The following APOO variants were observed in gnomAD, a reference collection of about 807,000 sequenced individuals.
APOO encodes the protein apolipoprotein O, also known as MICOS complex subunit MIC26.
A neutral mutation model predicts 23.1 loss-of-function variants in APOO; 11 were observed. The ratio of observed to expected loss-of-function variants is 0.48; its 90% CI spans 0.30 to 0.79. APOO has a LOEUF of 0.79. Ranked by LOEUF, APOO falls within the 30% of genes least tolerant of loss-of-function variation. The pLI is 0.07. For synonymous variants in APOO, 59 were observed against 54.8 expected (o/e 1.08, Z -0.34); for missense variants, 160 against 142.7 (o/e 1.12, Z -0.62).
chrX:23,898,014 T>A (rs749415170), intron 1 of APOO, among the ~76,000 whole-genome samples: 40 of 105,589 alleles, frequency 3.8e-4, no homozygotes, highest in African/African-American at 1.3e-3. Flanking sequence ...AAAAAAAATC[T>A]ATCTAGACAC....
At chrX:23,880,048 A>C (rs184123293) in intron 2 of APOO, among the ~76,000 whole-genome samples, 45 of 108,313 alleles carry the variant, frequency 4.2e-4, no homozygotes, top group Non-Finnish European at 3.0e-4. Context: ...CAGTAGAGAG[A>C]AGATTTCTTG....
At chrX:23,874,528 T>C (rs1369396270) in intron 3 of APOO, 71 bp from the exon 4 acceptor site, 2 of 890,537 alleles carry the variant, frequency 2.2e-6, no homozygotes, top group African/African-American at 3.9e-5. Context: ...ACAGAATAAA[T>C]ATACTTGTTT....
intron 1 of APOO, among the ~76,000 whole-genome samples, chrX:23,885,410 T>C (rs985062433): frequency 1.9e-5 from 2 of 105,002 alleles, no homozygotes; most frequent in Admixed American, 1.1e-4. Context: ...TATAAATATA[T>C]AACTATATCT....
At position 23,868,773 on chromosome X, in the gene APOO, A is replaced by G. The variant is rs1449811731; in HGVS notation, c.293-85T>C. 6.3e-6 allele frequency: 4 copies of G among 636,876 alleles called. No homozygotes were observed. The East Asian group carries it at 1.5e-4, about 24-fold the overall frequency. 52.5% of individuals were successfully genotyped at this position (636,876 alleles called of 1,213,427 possible). ...AAGTCTTATACAGTATATAATATGT[A>G]TATATAGTATCAAGTGCTTTTCAAA... is the stretch of plus-strand genomic sequence containing the variant. On this transcript the variant is annotated intron_variant, in intron 4 of 8. Transcript: ENST00000379226.
At position 23,903,776 on chromosome X, in the gene APOO, A is replaced by G. The variant is rs775639854; in HGVS notation, c.9+3918T>C. On this transcript the variant is annotated intron_variant, in intron 1 of 8. Coordinates refer to ENST00000379226, the MANE Select transcript of APOO (RefSeq NM_024122.5). Reference sequence around the variant, plus strand: ...ACCCCACAAGTTTCCAAAACATACCATTCTGTTGAGTCGTACCATTCTATG... The same window carrying G: ...ACCCCACAAGTTTCCAAAACATACCGTTCTGTTGAGTCGTACCATTCTATG... Among the ~76,000 whole-genome samples, 7 of 111,850 alleles carry G rather than the reference A, an allele frequency of 6.3e-5. No homozygotes were observed. In the East Asian group the frequency reaches 2.0e-3, roughly 31 times the overall value.
intron 1 of APOO, among the ~76,000 whole-genome samples, chrX:23,891,135 C>G (rs781326766): frequency 9.0e-6 from 1 of 111,531 alleles, no homozygotes; most frequent in Admixed American, 9.6e-5. Flanking sequence ...CCTTCTCTTC[C>G]TCTGCATAGC....
At position 23,878,494 on chromosome X, in the gene APOO, C is replaced by T. The variant is rs930791777; in HGVS notation, c.237+421G>A. On this transcript the variant is annotated intron_variant, in intron 3 of 8. Transcript: ENST00000379226. ...TGTATTTCAACATTTTTTGTGGGTA[C>T]GTAGTAGGTATATACATTTATGGGG... 2.7e-5 allele frequency among the ~76,000 whole-genome samples: 3 copies of T among 111,491 alleles called. No homozygotes were observed. The Admixed American group carries it at 2.9e-4, about 11-fold the overall frequency.
At chrX:23,900,270 C>T (rs943983366) in intron 1 of APOO, among the ~76,000 whole-genome samples, 3 of 111,908 alleles carry the variant, frequency 2.7e-5, no homozygotes, top group Non-Finnish European at 3.8e-5. Context: ...TTGTAGTTCA[C>T]GGTTCTTTTC....
At chrX:23,876,576 G>A (rs1023368308) in intron 3 of APOO, among the ~76,000 whole-genome samples, 1 of 110,453 alleles carries the variant, frequency 9.1e-6, no homozygotes, top group Non-Finnish European at 1.9e-5. Context: ...CGAGGTGGAC[G>A]GATCACAAGG....
At chrX:23,878,812 G>C in intron 3 of APOO, 103 bp downstream of exon 3, 1 of 1,040,354 alleles carries the variant, frequency 9.6e-7, no homozygotes, top group East Asian at 3.2e-5. Context: ...ACCATCTCAG[G>C]GCCCTTTATC....
At chrX:23,901,971 T>C (rs766815616) in intron 1 of APOO, among the ~76,000 whole-genome samples, 8 of 112,143 alleles carry the variant, frequency 7.1e-5, no homozygotes, top group African/African-American at 2.3e-4. Context: ...CAACCTTGTC[T>C]GCCTAGCTCC....
intron 1 of APOO, among the ~76,000 whole-genome samples, chrX:23,897,449 T>C (rs192454014): frequency 1.2e-4 from 13 of 111,897 alleles, no homozygotes; most frequent in African/African-American, 3.9e-4. Context: ...AAGTCCAGAA[T>C]TTATTTTGAA....
chrX:23,854,695 A>AT (rs11427219), intron 7 of APOO, among the ~76,000 whole-genome samples: 50,977 of 106,802 alleles, frequency 0.48, 11,658 homozygotes, highest in African/African-American at 0.85. Context: ...TAATTTTTGT[A>AT]TTTTTTTAGT....
intron 1 of APOO, chrX:23,883,967 CA>C (rs1483506297): frequency 8.9e-6 from 1 of 112,089 alleles, no homozygotes; most frequent in Non-Finnish European, 1.9e-5. Flanking sequence ...AAAGACAAAA[CA>C]AGTATAGGAC....
intron 5 of APOO, among the ~76,000 whole-genome samples, chrX:23,865,613 A>G (rs1391461878): frequency 4.6e-5 from 5 of 108,495 alleles, no homozygotes; most frequent in African/African-American, 1.7e-4. Flanking sequence ...AAAAAAAAAA[A>G]AAGAAACTCC....
chrX:23,872,289 C>A (rs1006908560), intron 4 of APOO, among the ~76,000 whole-genome samples: 2 of 110,545 alleles, frequency 1.8e-5, no homozygotes, highest in Admixed American at 9.8e-5. Flanking sequence ...CCTAGCTACT[C>A]GGGAGGCTGA....
intron 1 of APOO, among the ~76,000 whole-genome samples, chrX:23,888,858 A>T (rs1474923176): frequency 3.7e-5 from 4 of 106,985 alleles, no homozygotes; most frequent in Admixed American, 1.0e-4. Flanking sequence ...TCAAAAAAAA[A>T]AAAAAAAAAA....
chrX:23,888,021 G>C (rs1458820616), intron 1 of APOO, among the ~76,000 whole-genome samples: 1 of 112,073 alleles, frequency 8.9e-6, no homozygotes, highest in African/African-American at 3.2e-5. Flanking sequence ...CCTTAGCTTT[G>C]CAAACCTCAG....
At chrX:23,853,629 G>A (rs1458484089) in intron 7 of APOO, among the ~76,000 whole-genome samples, 67 of 105,159 alleles carry the variant, frequency 6.4e-4, no homozygotes, top group African/African-American at 2.2e-3. Flanking sequence ...TTGTTTGTTT[G>A]TTTGTTTGTT....
Sources: allele counts gnomAD v4.1 joint callset (sites outside exome capture counted in the v4.1 genomes callset), GRCh38; gene constraint gnomAD v4.1.1; transcripts MANE v1.5; gene names NCBI Gene and HGNC (gene_info 2026-07-23, HGNC 2026-07-21).